The following CAPN7 variants were observed in gnomAD, a reference collection of about 807,000 sequenced individuals.
The protein encoded by CAPN7 is calpain-7.
In CAPN7, 72 loss-of-function variants were observed where a neutral mutation model predicts 115.2. The ratio of observed to expected loss-of-function variants is 0.63; its 90% CI spans 0.52 to 0.76. CAPN7 has a LOEUF of 0.76. CAPN7 is among the 30% of genes least tolerant of loss of function. The probability of loss-of-function intolerance (pLI) is 0.00; values close to 1 mark genes in which losing one functional copy is unlikely to be tolerated. For synonymous variants in CAPN7, 344 were observed against 322.3 expected (o/e 1.07, Z -0.72); for missense variants, 905 against 971.5 (o/e 0.93, Z 0.91).
In CAPN7 at chr3:15,217,570, C is replaced by G; in HGVS notation, c.357C>G (p.Leu119=). The G allele has an allele frequency of 6.2e-7, 1 of 1,612,152 alleles. No individual in the cohort carries two copies. The highest frequency in any genetic ancestry group is 1.1e-5 in the South Asian group (1 of 90,676). ...AIELYTEAVD[L]CLKTSYETAD... ...AATTGTACACAGAAGCTGTGGATCT[C>G]TGTCTGAAAACAGTGTGTATAGCTA... The change falls in exon 3 of 21, where the codon CTC becomes CTG. Residue 119 remains leucine, a synonymous_variant. Coordinates refer to ENST00000253693, the MANE Select transcript of CAPN7 (RefSeq NM_014296.3).
chr3:15,231,424 T>C (rs1380120293), intron 9 of CAPN7, among the ~76,000 whole-genome samples: 2 of 152,196 alleles, frequency 1.3e-5, no homozygotes, highest in East Asian at 3.8e-4. Context: ...GAGAATAATT[T>C]TACTGAACTA....
chr3:15,224,630 A>G (rs1168856142), intron 6 of CAPN7, among the ~76,000 whole-genome samples: 1 of 152,148 alleles, frequency 6.6e-6, no homozygotes, highest in African/African-American at 2.4e-5. Context: ...ATGTGGAGAA[A>G]TATACCCGAA....
chr3:15,245,859 C>G (rs1575248086), intron 17 of CAPN7, 188 bp downstream of exon 17: 7 of 497,886 alleles, frequency 1.4e-5, no homozygotes, highest in Non-Finnish European at 2.4e-5. Flanking sequence ...AAAGAAATGT[C>G]TTTATTTTGA....
rs745558354 is a variant in CAPN7 at position 15,247,338 on chromosome 3, G to A, written c.2085G>A (p.Lys695=). 5 of 1,568,978 alleles carry A rather than the reference G, an allele frequency of 3.2e-6. No homozygotes were observed. Among genetic ancestry groups the A allele is most frequent in the Non-Finnish European group, 3.4e-6 (4 of 1,162,638 alleles). ...TTTGTTTTTATTAGATTAATGGAAA[G>A]TGGAGTGGTCAGAGTGCTGGAGGAT... ...PYTLSKRING[K]WSGQSAGGCG... Residue 695 remains lysine, a synonymous_variant, in exon 19 of 21, where the codon AAG becomes AAA. Coordinates refer to ENST00000253693, the MANE Select transcript of CAPN7 (RefSeq NM_014296.3).
At chr3:15,229,773 T>G (rs539042635) in intron 8 of CAPN7, among the ~76,000 whole-genome samples, 5 of 152,194 alleles carry the variant, frequency 3.3e-5, no homozygotes, top group Admixed American at 6.5e-5. Flanking sequence ...AACATATTTC[T>G]GTTGGCTTGA....
chr3:15,210,911 A>G, intron 1 of CAPN7: 1 of 1,242,392 alleles, frequency 8.0e-7, no homozygotes, highest in Non-Finnish European at 1.0e-6. Context: ...CGCTTGGGTT[A>G]CTGCAGAGAA....
intron 5 of CAPN7, among the ~76,000 whole-genome samples, chr3:15,223,044 G>C (rs1575183650): frequency 2.0e-5 from 3 of 152,318 alleles, no homozygotes; most frequent in African/African-American, 2.4e-5. Flanking sequence ...TGATATCTAT[G>C]ACACTTCCTT....
chr3:15,226,039 A>G (rs966367661), intron 6 of CAPN7, among the ~76,000 whole-genome samples: 1 of 152,062 alleles, frequency 6.6e-6, no homozygotes, highest in African/African-American at 2.4e-5. Context: ...AAATAATAAA[A>G]TAAGCATTAT....
intron 5 of CAPN7, 131 bp downstream of exon 5, chr3:15,221,112 A>G (rs1158563247): frequency 6.2e-6 from 4 of 643,002 alleles, no homozygotes; most frequent in African/African-American, 5.5e-5. Flanking sequence ...ATGTAATTAT[A>G]TCATCATGTA....
At chr3:15,223,665 T>C (rs1694132566) in intron 6 of CAPN7, 104 bp downstream of exon 6, 3 of 739,498 alleles carry the variant, frequency 4.1e-6, no homozygotes, top group Non-Finnish European at 6.7e-6. Flanking sequence ...TAAAAAAATT[T>C]GTTGGAATAG....
chr3:15,211,058 TGGAAGAAGAA>T, intron 1 of CAPN7: 5 of 486,648 alleles, frequency 1.0e-5, no homozygotes, highest in Non-Finnish European at 1.4e-5. Flanking sequence ...ATGGAATAAC[TGGAAGAAGAA>T]TCCAGATTTT....
At chr3:15,210,817 T>C in intron 1 of CAPN7, 1 of 1,289,582 alleles carries the variant, frequency 7.8e-7, no homozygotes, top group Non-Finnish European at 1.0e-6. Flanking sequence ...GTGAAACAAC[T>C]CCTGCTCAAA....
At chr3:15,248,108 TG>T (rs1175580826) in intron 19 of CAPN7, among the ~76,000 whole-genome samples, 1 of 152,076 alleles carries the variant, frequency 6.6e-6, no homozygotes, top group African/African-American at 2.4e-5. Context: ...CGCACCAGCA[TG>T]GCACATGTAT....
chr3:15,247,022 G>T lies in CAPN7; in HGVS notation c.2073+228G>T, dbSNP rs943841254. Among the ~76,000 whole-genome samples, 5 of 152,308 alleles carry T rather than the reference G, an allele frequency of 3.3e-5. No individual in the cohort carries two copies. In the East Asian group the frequency reaches 5.8e-4, roughly 18 times the overall value. ...ATGCAAACTTTGGTTGTTAGAGAAGGCAATGTGGATGAACCTTAAAAGTAG... is the reference window on the plus strand; with the variant it reads ...ATGCAAACTTTGGTTGTTAGAGAAGTCAATGTGGATGAACCTTAAAAGTAG... On this transcript the variant is annotated intron_variant, in intron 18 of 20. Transcript: ENST00000253693.
chr3:15,251,442 C>G lies in CAPN7; in HGVS notation c.*182C>G. 1 of 499,030 alleles carries G rather than the reference C, an allele frequency of 2.0e-6. No individual in the cohort carries two copies. 30.9% of individuals were successfully genotyped at this position (499,030 alleles called of 1,614,324 possible). On this transcript the variant is annotated 3_prime_UTR_variant, in exon 21 of 21. Coordinates refer to ENST00000253693, the MANE Select transcript of CAPN7 (RefSeq NM_014296.3). ...AAGAACTGTATATAGTCAGAATTAC[C>G]TAAATCACCTAGAGGTACCGTTTAC... is the stretch of plus-strand genomic sequence containing the variant.
At chr3:15,227,744 C>G in intron 6 of CAPN7, 95 bp from the exon 7 acceptor site, 1 of 764,288 alleles carries the variant, frequency 1.3e-6, no homozygotes, top group Non-Finnish European at 1.9e-6. Context: ...GCTATAATCA[C>G]TAGACCAAAA....
chr3:15,239,314 T>G (rs1695201756), intron 12 of CAPN7, among the ~76,000 whole-genome samples: 1 of 152,218 alleles, frequency 6.6e-6, no homozygotes, highest in African/African-American at 2.4e-5. Flanking sequence ...ATGATATCAT[T>G]AGAAAAAGTA....
intron 16 of CAPN7, among the ~76,000 whole-genome samples, chr3:15,244,973 A>ATT (rs1695570619): frequency 6.6e-6 from 1 of 152,066 alleles, no homozygotes; most frequent in Non-Finnish European, 1.5e-5. Context: ...AGAAACAGTT[A>ATT]TTTTTTTCAT....
chr3:15,230,521 G>A lies in CAPN7; in HGVS notation c.1018G>A (p.Gly340Ser). The change falls in exon 9 of 21, where the codon GGT (glycine) becomes AGT (serine). Residue 340 changes from glycine to serine, a missense_variant. This residue lies in a region of CAPN7 where 620 missense variants were observed against 703.4 expected (regional missense o/e 0.88). Coordinates refer to ENST00000253693, the MANE Select transcript of CAPN7 (RefSeq NM_014296.3). Reference protein sequence around the residue: ...GKYMVKLHLNGVPRKVIIDDQ... With the variant: ...GKYMVKLHLNSVPRKVIIDDQ... ...GTATATGGTAAAACTTCACCTCAAT[G>A]GTGTCCCAAGAAAGGTGAATAATGT... is the stretch of plus-strand genomic sequence containing the variant. 1 of 1,604,910 alleles carries A rather than the reference G, an allele frequency of 6.2e-7. No individual in the cohort carries two copies. The highest frequency in any genetic ancestry group is 1.7e-4 in the Middle Eastern group (1 of 6,048).
Sources: allele counts gnomAD v4.1 joint callset (sites outside exome capture counted in the v4.1 genomes callset), GRCh38; gene constraint gnomAD v4.1.1; regional missense constraint gnomAD v4.1.1; transcripts MANE v1.5; gene names NCBI Gene and HGNC (gene_info 2026-07-23, HGNC 2026-07-21).